Variants in B3GNT6 observed in about 807,000 individuals in gnomAD.
B3GNT6 encodes the protein UDP-GlcNAc:betaGal beta-1,3-N-acetylglucosaminyltransferase 6, also known as acetylgalactosaminyl-O-glycosyl-glycoprotein beta-1,3-N-acetylglucosaminyltransferase.
For synonymous variants in B3GNT6, 300 were observed against 270.0 expected (o/e 1.11, Z -1.09); for missense variants, 624 against 568.6 (o/e 1.10, Z -0.99).
Position 77,040,550 on chromosome 11 carries a change from C to T in B3GNT6, c.999C>T (p.Gly333=), listed in dbSNP as rs782531366. Residue 333 remains glycine, a synonymous_variant, in exon 2 of 2, where the codon GGC becomes GGT. Coordinates refer to ENST00000622824, the MANE Select transcript of B3GNT6 (RefSeq NM_138706.5). Reference sequence around the variant, plus strand: ...GCCACGAGGGCATCCGACCCTTCGGCGTGCAGCTGCCTGGCGCACAGCAGT... The same window carrying T: ...GCCACGAGGGCATCCGACCCTTCGGTGTGCAGCTGCCTGGCGCACAGCAGT... ...PSGHEGIRPF[G]VQLPGAQQSS... The T allele has an allele frequency of 6.3e-7, 1 of 1,578,780 alleles. No homozygotes were observed. The highest frequency in any genetic ancestry group is 1.7e-5 in the Admixed American group (1 of 57,354).
In B3GNT6 at chr11:77,040,520, CA is replaced by C. The variant is rs1555027810; in HGVS notation, c.970del (p.Ser324AlafsTer31). On this transcript the variant is annotated frameshift_variant, in exon 2 of 2. Transcript: ENST00000622824. LOFTEE classifies it low-confidence loss of function (END_TRUNC). ...GTCTGGAGCGCGCCGGCCTGGCGCC[CA>C]GCGGCCACGAGGGCATCCGACCCTT... ...MCLERAGLAP[S>X]GHEGIRPFGV... The C allele has an allele frequency of 1.3e-6, 2 of 1,556,486 alleles. No homozygotes were observed. The highest frequency in any genetic ancestry group is 1.4e-5 in the African/African-American group (1 of 73,674).
At chr11:77,036,805 T>C (rs561769705) in intron 1 of B3GNT6, among the ~76,000 whole-genome samples, 55 of 152,282 alleles carry the variant, frequency 3.6e-4, no homozygotes, top group Admixed American at 7.8e-4. Context: ...GTGCTGGTAA[T>C]ACAACGGTGA....
At chr11:77,035,533 C>A (rs1311532112) in intron 1 of B3GNT6, among the ~76,000 whole-genome samples, 3 of 152,220 alleles carry the variant, frequency 2.0e-5, no homozygotes, top group African/African-American at 7.2e-5. Flanking sequence ...GCCATGACAT[C>A]AACAAGGAGA....
intron 1 of B3GNT6, among the ~76,000 whole-genome samples, chr11:77,037,917 A>T (rs1212313075): frequency 8.3e-6 from 1 of 119,774 alleles, no homozygotes; most frequent in Admixed American, 9.2e-5. Context: ...TGTCTCAAAA[A>T]AAAAGAAGAA....
chr11:77,039,539 G>C lies in B3GNT6; in HGVS notation c.1-13G>C. ...CGACTTCCGGCTCACCTCTGACTCGGTTTCCCCCACAGATGGCTTTTCCCT... is the reference window on the plus strand; with the variant it reads ...CGACTTCCGGCTCACCTCTGACTCGCTTTCCCCCACAGATGGCTTTTCCCT... On this transcript the variant is annotated splice_polypyrimidine_tract_variant and intron_variant, in intron 1 of 1. Transcript: ENST00000622824. 6.4e-7 allele frequency: 1 copy of C among 1,559,628 alleles called. No individual in the cohort carries two copies. The highest frequency in any genetic ancestry group is 1.2e-5 in the South Asian group (1 of 81,868).
chr11:77,039,998 G>C lies in B3GNT6; in HGVS notation c.447G>C (p.Arg149=). The part of the protein sequence containing the change: ...TWGQERSYGG[R]PVRRLFLLGT... The stretch of plus-strand genomic sequence containing the variant: ...GGCAAGAGCGCAGCTACGGCGGGCG[G>C]CCAGTGCGCCGCCTCTTTCTATTGG... Residue 149 remains arginine (R), a synonymous_variant, in exon 2 of 2, where the codon CGG becomes CGC. Coordinates refer to ENST00000622824, the MANE Select transcript of B3GNT6 (RefSeq NM_138706.5). The C allele has an allele frequency of 6.4e-7, 1 of 1,574,724 alleles. No homozygotes were observed. Among genetic ancestry groups the C allele is most frequent in the Non-Finnish European group, 8.6e-7 (1 of 1,169,078 alleles).
intron 1 of B3GNT6, among the ~76,000 whole-genome samples, chr11:77,036,319 T>C (rs1311005431): frequency 6.6e-6 from 1 of 152,212 alleles, no homozygotes; most frequent in Non-Finnish European, 1.5e-5. Flanking sequence ...TATAATACTC[T>C]AGTATTTCTT....
rs1215128272 is a variant in B3GNT6 at position 77,040,275 on chromosome 11, G to C, written c.724G>C (p.Gly242Arg). 2.6e-5 allele frequency: 41 copies of C among 1,595,376 alleles called. No homozygotes were observed. The highest frequency in any genetic ancestry group is 3.1e-5 in the Non-Finnish European group (36 of 1,178,300). The change falls in exon 2 of 2, where the codon GGC (glycine) becomes CGC (arginine). Residue 242 changes from glycine (G) to arginine (R), a missense_variant. By Grantham distance (125) the Gly-to-Arg change is moderately radical. Transcript: ENST00000622824. ...VVRFLQAQPP[G>R]RHLFSGQLME... ...CCGCTTCCTGCAGGCGCAGCCACCC[G>C]GCCGCCACCTGTTCTCCGGCCAGCT...
Sources: gnomAD v4.1 joint callset for allele counts (sites outside exome capture counted in the v4.1 genomes callset) on GRCh38, gnomAD v4.1.1 for gene constraint, MANE v1.5 for transcripts, NCBI Gene and HGNC (gene_info 2026-07-23, HGNC 2026-07-21) for gene names.